The following BRINP1 variants were observed in gnomAD, a reference collection of about 807,000 sequenced individuals.
The protein encoded by BRINP1 is BMP/retinoic acid inducible neural specific 1, also known as BMP/retinoic acid-inducible neural-specific protein 1.
In BRINP1, 17 loss-of-function variants were observed where a neutral mutation model predicts 72.9. That is an observed-to-expected ratio of 0.23 (90% CI 0.16 to 0.35). BRINP1 has a LOEUF of 0.35. Ranked by LOEUF, BRINP1 falls within the 10% of genes least tolerant of loss-of-function variation. BRINP1 has a pLI of 1.00. For missense variants in BRINP1, 850 were observed against 1,001.6 expected (o/e 0.85, Z 2.04); for synonymous variants, 418 against 378.5 (o/e 1.10, Z -1.21).
intron 1 of BRINP1, among the ~76,000 whole-genome samples, chr9:119,321,215 G>A (rs1045066213): frequency 3.4e-4 from 52 of 152,274 alleles, no homozygotes; most frequent in African/African-American, 1.1e-3. Context: ...ACAGGCGTGA[G>A]CCACCGCACC....
At chr9:119,306,239 C>T (rs546916393) in intron 2 of BRINP1, among the ~76,000 whole-genome samples, 15 of 152,216 alleles carry the variant, frequency 9.9e-5, no homozygotes, top group African/African-American at 3.4e-4. Flanking sequence ...ACACTGTAAA[C>T]GTACCAATTT....
chr9:119,184,082 G>T (rs1304783014), intron 7 of BRINP1, among the ~76,000 whole-genome samples: 1 of 151,790 alleles, frequency 6.6e-6, no homozygotes, highest in Admixed American at 6.6e-5. Flanking sequence ...CCGAGCCACA[G>T]GGGGGGAGAA....
At chr9:119,218,229 C>A (rs1185238595) in intron 5 of BRINP1, among the ~76,000 whole-genome samples, 25 of 143,040 alleles carry the variant, frequency 1.7e-4, no homozygotes, top group Non-Finnish European at 3.5e-4. Context: ...TTTTTGAGAC[C>A]GAGTCTCACT....
At chr9:119,354,281 T>A (rs1831536819) in intron 1 of BRINP1, among the ~76,000 whole-genome samples, 5 of 152,164 alleles carry the variant, frequency 3.3e-5, no homozygotes, top group Admixed American at 1.3e-4. Context: ...CACTCATAAA[T>A]CCACTTTTAG....
intron 5 of BRINP1, among the ~76,000 whole-genome samples, chr9:119,237,315 T>G (rs1830201105): frequency 6.6e-6 from 1 of 151,716 alleles, no homozygotes; most frequent in East Asian, 1.9e-4. Flanking sequence ...AGAAGTAAGC[T>G]CTTCTAATAC....
At chr9:119,172,750 GAA>G (rs1829431115) in intron 7 of BRINP1, among the ~76,000 whole-genome samples, 1 of 151,994 alleles carries the variant, frequency 6.6e-6, no homozygotes, top group Admixed American at 6.6e-5. Context: ...CTGGCAAACT[GAA>G]TCCAGCAACA....
rs368897919 is a variant in BRINP1 at position 119,337,674 on chromosome 9, C to A, written c.-50-24269G>T. Reference sequence around the variant, plus strand: ...AATTGAACCTGTGACCACAGTCAGTCCAATTTTGACAGGTTGGGAAACTTA... The same window carrying A: ...AATTGAACCTGTGACCACAGTCAGTACAATTTTGACAGGTTGGGAAACTTA... On this transcript the variant is annotated intron_variant, in intron 1 of 7. Coordinates refer to ENST00000265922, the MANE Select transcript of BRINP1 (RefSeq NM_014618.3). Among the ~76,000 whole-genome samples, 3 of 152,192 alleles carry A rather than the reference C, an allele frequency of 2.0e-5. No homozygotes were observed. The East Asian group carries it at 5.8e-4, about 29-fold the overall frequency.
intron 7 of BRINP1, among the ~76,000 whole-genome samples, chr9:119,190,296 C>T (rs983258569): frequency 1.7e-4 from 25 of 149,920 alleles, no homozygotes; most frequent in Admixed American, 1.5e-3. Flanking sequence ...GAAATAATGA[C>T]GATCAGAACA....
In BRINP1 at chr9:119,167,248, G is replaced by A; in HGVS notation, c.2122C>T (p.Pro708Ser). The A allele has an allele frequency of 1.2e-6, 2 of 1,614,186 alleles. No homozygotes were observed. The highest frequency in any genetic ancestry group is 1.7e-6 in the Non-Finnish European group (2 of 1,180,036). ...DIRDRINRLAPPVAPGKPQLD... is the reference protein window; with the variant it reads ...DIRDRINRLASPVAPGKPQLD... ...TGGGGTTTCCCCGGGGCCACAGGAG[G>A]GGCCAGGCGATTAATTCGGTCCCGA... Residue 708 changes from proline to serine, a missense_variant, in exon 8 of 8, where the codon CCT becomes TCT. Transcript: ENST00000265922. This position sits in a 1 kb window ranked among gnomAD's most constrained non-coding sequence, Gnocchi z 4.3.
At chr9:119,364,443 G>C (rs1227892519) in intron 1 of BRINP1, among the ~76,000 whole-genome samples, 2 of 152,154 alleles carry the variant, frequency 1.3e-5, no homozygotes, top group Non-Finnish European at 2.9e-5. Flanking sequence ...GAAAAGTTTG[G>C]TCATTGAGAA....
At chr9:119,176,643 T>C (rs1478625053) in intron 7 of BRINP1, among the ~76,000 whole-genome samples, 2 of 152,146 alleles carry the variant, frequency 1.3e-5, no homozygotes, top group Non-Finnish European at 2.9e-5. Context: ...AGTGAGATAA[T>C]ATATTTAAAG....
At position 119,214,339 on chromosome 9, in the gene BRINP1, C is replaced by T. The variant is rs1360418753; in HGVS notation, c.686-184G>A. Among the ~76,000 whole-genome samples the T allele has an allele frequency of 2.0e-5, 3 of 152,296 alleles. No homozygotes were observed. In the East Asian group the frequency reaches 5.8e-4, roughly 29 times the overall value. The stretch of plus-strand genomic sequence containing the variant: ...TTATTGGTGAGGCTTCCAGTTGCAT[C>T]ACTTTTACTTAAACTTCTCAGGTCA... On this transcript the variant is annotated intron_variant, in intron 5 of 7. Transcript: ENST00000265922.
Position 119,307,256 on chromosome 9 carries a change from AT to A in BRINP1, c.218+5881del, listed in dbSNP as rs375621877. ...GCAAAATTATCCCTGACTGACAATAATTTTTTTTAGCTCCTGTCTCTCCTAG... is the reference window on the plus strand; with the variant it reads ...GCAAAATTATCCCTGACTGACAATAATTTTTTTAGCTCCTGTCTCTCCTAG... On this transcript the variant is annotated intron_variant, in intron 2 of 7. Transcript: ENST00000265922. 1.0e-3 allele frequency among the ~76,000 whole-genome samples: 154 copies of A among 151,930 alleles called. 2 individuals are homozygous for A. The highest frequency in any genetic ancestry group is 3.6e-3 in the African/African-American group (148 of 41,448).
At position 119,246,876 on chromosome 9, in the gene BRINP1, G is replaced by A. The variant is rs1340977039; in HGVS notation, c.409+2084C>T. ...CTTCTCTCTACTCCTCCACACTGAGGGCTGAGGGAACATTTAGGGCCTACT... is the reference window on the plus strand; with the variant it reads ...CTTCTCTCTACTCCTCCACACTGAGAGCTGAGGGAACATTTAGGGCCTACT... On this transcript the variant is annotated intron_variant, in intron 3 of 7. Coordinates refer to ENST00000265922, the MANE Select transcript of BRINP1 (RefSeq NM_014618.3). 4.6e-5 allele frequency among the ~76,000 whole-genome samples: 7 copies of A among 152,308 alleles called. No individual in the cohort carries two copies. In the East Asian group the frequency reaches 1.2e-3, roughly 25 times the overall value.
At chr9:119,254,281 C>T (rs760669664) in intron 2 of BRINP1, among the ~76,000 whole-genome samples, 2 of 151,942 alleles carry the variant, frequency 1.3e-5, no homozygotes, top group Non-Finnish European at 1.5e-5. Flanking sequence ...AAATAAATCA[C>T]GGGGAGGAGG....
chr9:119,262,060 G>C (rs1235273390), intron 2 of BRINP1, among the ~76,000 whole-genome samples: 1 of 152,140 alleles, frequency 6.6e-6, no homozygotes, highest in Non-Finnish European at 1.5e-5. Flanking sequence ...CAGGCACTTT[G>C]CATGAATACT....
intron 7 of BRINP1, among the ~76,000 whole-genome samples, chr9:119,181,355 TGA>T (rs944878959): frequency 2.6e-5 from 4 of 152,110 alleles, no homozygotes; most frequent in African/African-American, 9.6e-5. Flanking sequence ...TGATCACAGG[TGA>T]GAGAGTAAGT....
chr9:119,351,346 T>G (rs1216377877), intron 1 of BRINP1, among the ~76,000 whole-genome samples: 1 of 152,150 alleles, frequency 6.6e-6, no homozygotes, highest in Non-Finnish European at 1.5e-5. Context: ...TTAAGCAAGG[T>G]TCTTCCCATA....
intron 1 of BRINP1, among the ~76,000 whole-genome samples, chr9:119,343,732 A>AG (rs1286736387): frequency 6.6e-6 from 1 of 152,182 alleles, no homozygotes; most frequent in Admixed American, 6.5e-5. Flanking sequence ...TATCTGCCTG[A>AG]GGCTGTGCTA....
Sources: allele counts gnomAD v4.1 joint callset (sites outside exome capture counted in the v4.1 genomes callset), GRCh38; gene constraint gnomAD v4.1.1; non-coding constraint Gnocchi (gnomAD v3.1); transcripts MANE v1.5; gene names NCBI Gene and HGNC (gene_info 2026-07-23, HGNC 2026-07-21).